DOCK10: variants seen among roughly 807,000 people sequenced by gnomAD.
DOCK10 encodes the protein dedicator of cytokinesis protein 10.
DOCK10 carries 145 observed loss-of-function variants against 280.1 expected under a neutral mutation model. The observed-to-expected ratio is 0.52, with a 90% CI of 0.45 to 0.59. The LOEUF (loss-of-function observed/expected upper bound fraction) is 0.59. Ranked by LOEUF, DOCK10 falls within the 20% of genes least tolerant of loss-of-function variation. The pLI, the probability that DOCK10 is intolerant of heterozygous loss-of-function variation, is 0.00. For missense variants in DOCK10, 2,368 were observed against 2,651.7 expected (o/e 0.89, Z 2.35); for synonymous variants, 915 against 942.2 (o/e 0.97, Z 0.53).
chr2:224,859,109 G>C (rs1014856588), intron 14 of DOCK10, among the ~76,000 whole-genome samples: 1 of 152,146 alleles, frequency 6.6e-6, no homozygotes, highest in Non-Finnish European at 1.5e-5. Flanking sequence ...GATGTACTTG[G>C]GTTTTTGTCC....
chr2:225,014,088 TTTTTTTTTTG>T (rs1474019710), intron 1 of DOCK10, among the ~76,000 whole-genome samples: 5 of 107,742 alleles, frequency 4.6e-5, no homozygotes, highest in Middle Eastern at 4.4e-3. Context: ...TATATTGTTT[TTTTTTTTTTG>T]TTTTTTTTTT....
chr2:224,782,069 G>A (rs1691380531), intron 50 of DOCK10, among the ~76,000 whole-genome samples: 1 of 152,220 alleles, frequency 6.6e-6, no homozygotes, highest in Non-Finnish European at 1.5e-5. Flanking sequence ...GAATTTCTCT[G>A]CATTCATGTA....
chr2:224,863,105 G>C (rs1697634165), intron 13 of DOCK10, among the ~76,000 whole-genome samples: 1 of 152,146 alleles, frequency 6.6e-6, no homozygotes, highest in Admixed American at 6.5e-5. Context: ...TTATGGCAGA[G>C]GGCAGGAGAC....
chr2:225,002,875 C>T lies in DOCK10; in HGVS notation c.123+39377G>A, dbSNP rs1236009182. 3.3e-5 allele frequency among the ~76,000 whole-genome samples: 5 copies of T among 151,814 alleles called. No homozygotes were observed. The East Asian group carries it at 7.7e-4, about 23-fold the overall frequency. On this transcript the variant is annotated intron_variant, in intron 1 of 55. Coordinates refer to ENST00000258390, the MANE Select transcript of DOCK10 (RefSeq NM_014689.3). ...AAAGCCAGCAGGTGGCATCTCGTCA[C>T]CCACAGAATGTTGTTGGTCGCTCAA...
In DOCK10 at chr2:224,787,391, G is replaced by C. The variant is rs529133785; in HGVS notation, c.5425C>G (p.Leu1809Val). 6 of 1,613,810 alleles carry C rather than the reference G, an allele frequency of 3.7e-6. No homozygotes were observed. The African/African-American group carries it at 8.0e-5, about 22-fold the overall frequency. ...MQDTPYNENI[L>V]VEQLYMCVEF... ...ACACACATGTATAGCTGCTCCACCA[G>C]GATATTCTGCAATTCCCCCAATCAA... Residue 1809 changes from leucine to valine, a missense_variant, in exon 49 of 56, where the codon CTG (leucine) becomes GTG (valine). By Grantham distance (32) the Leu-to-Val change is conservative. Coordinates refer to ENST00000258390, the MANE Select transcript of DOCK10 (RefSeq NM_014689.3).
intron 7 of DOCK10, 53 bp downstream of exon 7, chr2:224,885,618 T>C (rs1283159871): frequency 1.3e-6 from 2 of 1,501,006 alleles, no homozygotes; most frequent in East Asian, 2.5e-5. Flanking sequence ...ATTTGTTAAA[T>C]ATACTTTTCA....
intron 1 of DOCK10, among the ~76,000 whole-genome samples, chr2:224,984,439 G>A (rs942919076): frequency 6.6e-6 from 1 of 152,154 alleles, no homozygotes; most frequent in Admixed American, 6.5e-5. Context: ...TTACAGTCCC[G>A]CCTTTATCGA....
chr2:224,842,940 A>G (rs934944144), intron 22 of DOCK10, among the ~76,000 whole-genome samples: 4 of 152,312 alleles, frequency 2.6e-5, no homozygotes, highest in Middle Eastern at 6.8e-3. Flanking sequence ...GGGTCAGGGA[A>G]CAGGGAAGGC....
In DOCK10 at chr2:224,894,274, A is replaced by C. The variant is rs79685419; in HGVS notation, c.416+2021T>G. ...CTTTCTCCATTGTTTTAACAGAGGAAGAATACTGTGAATGTGAAATCTCTA... is the reference window on the plus strand; with the variant it reads ...CTTTCTCCATTGTTTTAACAGAGGACGAATACTGTGAATGTGAAATCTCTA... On this transcript the variant is annotated intron_variant, in intron 4 of 55. Coordinates refer to ENST00000258390, the MANE Select transcript of DOCK10 (RefSeq NM_014689.3). Among the ~76,000 whole-genome samples the C allele has an allele frequency of 7.2e-3, 1,090 of 152,344 alleles. 17 individuals carry two copies. Among genetic ancestry groups the C allele is most frequent in the African/African-American group, 0.024 (990 of 41,582 alleles).
intron 55 of DOCK10, chr2:224,768,961 A>T: frequency 2.2e-6 from 1 of 455,408 alleles, no homozygotes; most frequent in Non-Finnish European, 4.4e-6. Context: ...CCAGGAAAAA[A>T]GAGAAAAGCA....
At chr2:224,905,779 T>G (rs560629894) in intron 3 of DOCK10, among the ~76,000 whole-genome samples, 57 of 152,250 alleles carry the variant, frequency 3.7e-4, no homozygotes, top group African/African-American at 1.3e-3. Flanking sequence ...TATCTCCTTG[T>G]TCCCCGCTTT....
At chr2:224,996,414 A>C (rs1049290177) in intron 1 of DOCK10, among the ~76,000 whole-genome samples, 3 of 152,248 alleles carry the variant, frequency 2.0e-5, no homozygotes, top group Admixed American at 6.5e-5. Context: ...CTGTGTAACA[A>C]TGGAGAAGAG....
At chr2:224,929,929 G>A (rs1368256729) in intron 2 of DOCK10, among the ~76,000 whole-genome samples, 1 of 152,112 alleles carries the variant, frequency 6.6e-6, no homozygotes, top group Non-Finnish European at 1.5e-5. Flanking sequence ...GGCTGGACGT[G>A]GTGGCTCACC....
In DOCK10 at chr2:224,886,074, C is replaced by T. The variant is rs749820699; in HGVS notation, c.601G>A (p.Val201Ile). The T allele has an allele frequency of 3.0e-5, 48 of 1,613,702 alleles. No homozygotes were observed. Among genetic ancestry groups the T allele is most frequent in the East Asian group, 1.8e-4 (8 of 44,886 alleles). ...TGATATCTCCTTACCCGAACAGTAA[C>T]GGTGTTGTTCACGGTGCTGTTAAAA... ...GNFNSTVNNT[V>I]TVRSFKKRYF... The change falls in exon 6 of 56, where the codon GTT becomes ATT. Residue 201 changes from valine (V) to isoleucine (I), a missense_variant. Physicochemically the swap from Val to Ile is conservative, Grantham distance 29. This residue lies in a region of DOCK10 where 1,209 missense variants were observed against 1,250.9 expected (regional missense o/e 0.97). Coordinates refer to ENST00000258390, the MANE Select transcript of DOCK10 (RefSeq NM_014689.3).
intron 25 of DOCK10, among the ~76,000 whole-genome samples, chr2:224,835,707 C>G (rs2125425930): frequency 6.6e-6 from 1 of 152,304 alleles, no homozygotes; most frequent in Admixed American, 6.5e-5. Flanking sequence ...AATCTAGTCT[C>G]TTACTTGCCA....
intron 27 of DOCK10, among the ~76,000 whole-genome samples, chr2:224,825,065 C>T (rs948851716): frequency 2.6e-5 from 4 of 151,124 alleles, no homozygotes; most frequent in Admixed American, 1.3e-4. Context: ...CTGCAACCTC[C>T]GCCTCCTGGG....
intron 1 of DOCK10, among the ~76,000 whole-genome samples, chr2:224,993,978 T>C (rs1474074775): frequency 6.6e-6 from 1 of 152,268 alleles, no homozygotes; most frequent in Admixed American, 6.5e-5. Context: ...ATAAAGGTCT[T>C]GTCCCCACCC....
intron 1 of DOCK10, among the ~76,000 whole-genome samples, chr2:225,000,573 C>G (rs1706404936): frequency 6.6e-6 from 1 of 152,186 alleles, no homozygotes. Context: ...TCCAAGGTGT[C>G]TACGCCAACA....
chr2:224,873,324 C>G (rs900509680), intron 11 of DOCK10, among the ~76,000 whole-genome samples: 1 of 152,070 alleles, frequency 6.6e-6, no homozygotes, highest in Non-Finnish European at 1.5e-5. Context: ...TGCCTGTAAT[C>G]CCAGCACTTT....
Sources: allele counts gnomAD v4.1 joint callset (sites outside exome capture counted in the v4.1 genomes callset), GRCh38; gene constraint gnomAD v4.1.1; regional missense constraint gnomAD v4.1.1; transcripts MANE v1.5; gene names NCBI Gene and HGNC (gene_info 2026-07-23, HGNC 2026-07-21).